The following BCL11B variants were observed in gnomAD, a reference collection of about 807,000 sequenced individuals.
The protein encoded by BCL11B is B-cell lymphoma/leukemia 11B.
In BCL11B, 8 loss-of-function variants were observed where a neutral mutation model predicts 49.9. The observed-to-expected ratio is 0.16, with a 90% CI of 0.09 to 0.29. The LOEUF is 0.29. Ranked by LOEUF, BCL11B falls within the 10% of genes least tolerant of loss-of-function variation. The pLI is 1.00. For missense variants in BCL11B, 1,006 were observed against 1,351.0 expected (o/e 0.74, Z 4.00); for synonymous variants, 739 against 637.4 (o/e 1.16, Z -2.40).
Position 99,170,604 on chromosome 14 carries a change from G to A in BCL11B, c.*3547C>T, listed in dbSNP as rs752333652. 4.3e-6 allele frequency: 1 copy of A among 232,656 alleles called. No individual in the cohort carries two copies. Among genetic ancestry groups the A allele is most frequent in the Non-Finnish European group, 8.5e-6 (1 of 117,404 alleles). The allele number at this position is 232,656 out of a possible 1,614,324, so 14.4% of individuals were successfully genotyped here. On this transcript the variant is annotated 3_prime_UTR_variant, in exon 4 of 4. Coordinates refer to ENST00000357195, the MANE Select transcript of BCL11B (RefSeq NM_138576.4). ...AAAAAAGGACCAATGGAGGATGAAG[G>A]ATGGAGAGGAAACGCAGGGGAAGGA... is the stretch of plus-strand genomic sequence containing the variant.
chr14:99,257,805 T>G lies in BCL11B; in HGVS notation c.93A>C (p.Glu31Asp). 1 of 1,553,348 alleles carries G rather than the reference T, an allele frequency of 6.4e-7. No individual in the cohort carries two copies. Among genetic ancestry groups the G allele is most frequent in the Non-Finnish European group, 8.7e-7 (1 of 1,147,540 alleles). Residue 31 changes from glutamate (E) to aspartate (D), a missense_variant, in exon 2 of 4, where the codon GAA becomes GAC. Physicochemically the swap from Glu to Asp is conservative, Grantham distance 45. Transcript: ENST00000357195. This position sits in a 1 kb window ranked among gnomAD's most constrained non-coding sequence, Gnocchi z 6.2. ...EADHVEAAIL[E>D]EDEGLEIEEP... ...CCTCTATCTCCAGACCCTCGTCTTCTTCGAGGATGGCGGCCTCCACATGGT... is the reference window on the plus strand; with the variant it reads ...CCTCTATCTCCAGACCCTCGTCTTCGTCGAGGATGGCGGCCTCCACATGGT...
chr14:99,268,105 C>T (rs1889539550), intron 1 of BCL11B, among the ~76,000 whole-genome samples: 2 of 152,080 alleles, frequency 1.3e-5, no homozygotes, highest in East Asian at 1.9e-4. Context: ...CTGTCCTCTG[C>T]TTTTAAAAGC....
intron 2 of BCL11B, among the ~76,000 whole-genome samples, chr14:99,240,945 A>C (rs1372561238): frequency 6.6e-6 from 1 of 152,362 alleles, no homozygotes; most frequent in Non-Finnish European, 1.5e-5. Context: ...CAATGGAAAT[A>C]TCATTTCTAT....
In BCL11B at chr14:99,174,142, C is replaced by T. The variant is rs748104311; in HGVS notation, c.*9G>A. On this transcript the variant is annotated 3_prime_UTR_variant, in exon 4 of 4. Coordinates refer to ENST00000357195, the MANE Select transcript of BCL11B (RefSeq NM_138576.4). ...ACTGTACAGGTGCGGGGCGCCGGGG[C>T]CCGCGCGCTTAGCTCCTCTCGGCCT... 2.5e-6 allele frequency: 4 copies of T among 1,609,620 alleles called. No homozygotes were observed. Among genetic ancestry groups the T allele is most frequent in the Admixed American group, 1.7e-5 (1 of 60,002 alleles).
chr14:99,196,927 T>C (rs1277730303), intron 3 of BCL11B, among the ~76,000 whole-genome samples: 1 of 152,176 alleles, frequency 6.6e-6, no homozygotes, highest in Non-Finnish European at 1.5e-5. Flanking sequence ...CATGGTGATG[T>C]TGAGGCTCAG....
At chr14:99,255,645 C>T (rs1384014708) in intron 2 of BCL11B, among the ~76,000 whole-genome samples, 1 of 152,126 alleles carries the variant, frequency 6.6e-6, no homozygotes, top group Non-Finnish European at 1.5e-5. Context: ...ATAGGCGGCC[C>T]GAGTCTCCCT....
intron 3 of BCL11B, among the ~76,000 whole-genome samples, chr14:99,214,432 C>A (rs1275965038): frequency 6.6e-6 from 1 of 151,906 alleles, no homozygotes; most frequent in Non-Finnish European, 1.5e-5. Flanking sequence ...GTGGTGCATG[C>A]CCATAATCCC....
Position 99,247,216 on chromosome 14 carries a change from C to T in BCL11B, c.427+10255G>A, listed in dbSNP as rs2139930647. Reference sequence around the variant, plus strand: ...CAGGAAAATTATATACTTCGTTTTCCCAACAAATAAAGTCGCCTAGTTTGC... The same window carrying T: ...CAGGAAAATTATATACTTCGTTTTCTCAACAAATAAAGTCGCCTAGTTTGC... On this transcript the variant is annotated intron_variant, in intron 2 of 3. Coordinates refer to ENST00000357195, the MANE Select transcript of BCL11B (RefSeq NM_138576.4). The surrounding 1 kb of genome is among the most constrained non-coding windows in gnomAD (Gnocchi z 4.5). 6.6e-6 allele frequency among the ~76,000 whole-genome samples: 1 copy of T among 152,286 alleles called. No homozygotes were observed. Among genetic ancestry groups the T allele is most frequent in the South Asian group, 2.1e-4 (1 of 4,826 alleles).
chr14:99,201,098 AT>A (rs1406537505), intron 3 of BCL11B, among the ~76,000 whole-genome samples: 6 of 152,222 alleles, frequency 3.9e-5, no homozygotes, highest in Admixed American at 2.6e-4. Flanking sequence ...TAAGAGCAGG[AT>A]CAAAGCTGCA....
At chr14:99,256,270 A>G (rs1440511184) in intron 2 of BCL11B, among the ~76,000 whole-genome samples, 1 of 152,158 alleles carries the variant, frequency 6.6e-6, no homozygotes, top group African/African-American at 2.4e-5. Context: ...CCAGCCAGCC[A>G]CCTACTTGCA....
intron 1 of BCL11B, among the ~76,000 whole-genome samples, chr14:99,261,095 C>T (rs1889324227): frequency 6.6e-6 from 1 of 152,264 alleles, no homozygotes; most frequent in Non-Finnish European, 1.5e-5. Flanking sequence ...GGCTGTGGCG[C>T]TGTGCCTTGG....
Position 99,176,141 on chromosome 14 carries a change from C to T in BCL11B, c.695G>A (p.Ser232Asn). Residue 232 changes from serine to asparagine, a missense_variant, in exon 4 of 4, where the codon AGC becomes AAC. Ser to Asn is a conservative substitution (Grantham distance 46). Around this residue, in one of 6 missense-constraint regions of BCL11B, gnomAD observed 411 missense variants for 542.2 expected, o/e 0.76. Coordinates refer to ENST00000357195, the MANE Select transcript of BCL11B (RefSeq NM_138576.4). ...CGCGTGCTGCAGCAGGAACCACGCG[C>T]TGTTGAAGGGCTGCTTGCATGTTGT... ...ICTTCKQPFN[S>N]AWFLLQHAQN... is the part of the protein sequence containing the mutation. 6.2e-7 allele frequency: 1 copy of T among 1,612,310 alleles called. No homozygotes were observed.
intron 1 of BCL11B, among the ~76,000 whole-genome samples, chr14:99,269,927 C>G (rs1016364242): frequency 1.4e-5 from 2 of 147,560 alleles, no homozygotes; most frequent in African/African-American, 2.5e-5. Flanking sequence ...GCGACCCAGG[C>G]ACCGCGAGAG....
intron 3 of BCL11B, among the ~76,000 whole-genome samples, chr14:99,177,419 C>T (rs577377558): frequency 6.6e-6 from 1 of 151,494 alleles, no homozygotes; most frequent in Non-Finnish European, 1.5e-5. Flanking sequence ...TCCTCCGGAA[C>T]CCATCCTGCA....
chr14:99,261,555 A>G (rs1037547429), intron 1 of BCL11B, among the ~76,000 whole-genome samples: 22 of 152,248 alleles, frequency 1.4e-4, no homozygotes, highest in Admixed American at 3.9e-4. Context: ...CAGTCTTTCA[A>G]ATTCCCAGAC....
intron 2 of BCL11B, among the ~76,000 whole-genome samples, chr14:99,236,763 CGT>C (rs1158117663): frequency 1.3e-5 from 2 of 152,132 alleles, no homozygotes; most frequent in Non-Finnish European, 1.5e-5. Flanking sequence ...TCTTCAGGGC[CGT>C]GAGGAAAAGC....
chr14:99,225,740 CAG>C (rs1170813616), intron 3 of BCL11B, among the ~76,000 whole-genome samples: 2 of 152,182 alleles, frequency 1.3e-5, no homozygotes, highest in African/African-American at 2.4e-5. Context: ...TGGATTTGAA[CAG>C]AATTCTTTGA....
At chr14:99,180,737 G>A (rs1886677161) in intron 3 of BCL11B, among the ~76,000 whole-genome samples, 1 of 152,084 alleles carries the variant, frequency 6.6e-6, no homozygotes, top group African/African-American at 2.4e-5. Flanking sequence ...ATCCATCCTT[G>A]TACCTGGTCA....
At chr14:99,186,950 G>A (rs896979240) in intron 3 of BCL11B, among the ~76,000 whole-genome samples, 8 of 152,122 alleles carry the variant, frequency 5.3e-5, no homozygotes, top group Admixed American at 1.3e-4. Context: ...TACCCTCTCC[G>A]GCAGGAGTTA....
Sources: allele counts gnomAD v4.1 joint callset (sites outside exome capture counted in the v4.1 genomes callset), GRCh38; gene constraint gnomAD v4.1.1; regional missense constraint gnomAD v4.1.1; non-coding constraint Gnocchi (gnomAD v3.1); transcripts MANE v1.5; gene names NCBI Gene and HGNC (gene_info 2026-07-23, HGNC 2026-07-21).